N4BP2L2: variants seen among roughly 807,000 people sequenced by gnomAD.
N4BP2L2 encodes NEDD4-binding protein 2-like 2.
N4BP2L2 carries 50 observed loss-of-function variants against 56.2 expected under a neutral mutation model. That is an observed-to-expected ratio of 0.89 (90% CI 0.71 to 1.13). N4BP2L2 has a LOEUF of 1.13. Ranked by LOEUF, N4BP2L2 falls within the 50% of genes most tolerant of loss-of-function variation. N4BP2L2 has a pLI of 0.00. For missense variants in N4BP2L2, 689 were observed against 693.8 expected, an observed-to-expected ratio of 0.99 and a Z score of 0.08; for synonymous variants, 203 against 223.6, an observed-to-expected ratio of 0.91 and a Z score of 0.82.
chr13:32,464,430 A>C (rs1373347789), intron 6 of N4BP2L2, among the ~76,000 whole-genome samples: 1 of 152,196 alleles, frequency 6.6e-6, no homozygotes, highest in Admixed American at 6.5e-5. Flanking sequence ...ATTCCAACAG[A>C]GTTGTTGCAA....
intron 9 of N4BP2L2, among the ~76,000 whole-genome samples, chr13:32,434,270 T>G (rs1015500330): frequency 1.3e-5 from 2 of 148,512 alleles, no homozygotes; most frequent in Non-Finnish European, 3.0e-5. Flanking sequence ...TTTTTTTTTT[T>G]GTATTTTAGT....
At chr13:32,532,508 CCTA>C (rs2055118141) in intron 2 of N4BP2L2, among the ~76,000 whole-genome samples, 1 of 151,846 alleles carries the variant, frequency 6.6e-6, no homozygotes, top group Non-Finnish European at 1.5e-5. Flanking sequence ...AATATTTTGC[CCTA>C]CTAATATAAA....
intron 6 of N4BP2L2, among the ~76,000 whole-genome samples, chr13:32,485,286 T>G (rs1400285997): frequency 6.6e-6 from 1 of 152,188 alleles, no homozygotes; most frequent in Non-Finnish European, 1.5e-5. Flanking sequence ...GGAGGTAAAC[T>G]AGATTTTAAA....
In N4BP2L2 at chr13:32,491,851, C is replaced by T. The variant is rs149952055; in HGVS notation, c.365+26006G>A. Among the ~76,000 whole-genome samples the T allele has an allele frequency of 3.4e-4, 51 of 151,872 alleles. No homozygotes were observed. The East Asian group carries it at 7.9e-3, about 24-fold the overall frequency. ...TTCACCAAGTTGGCCAGGATGGTCT[C>T]GATCTCCTGACTTCCTGATCTGCCC... is the stretch of plus-strand genomic sequence containing the variant. On this transcript the variant is annotated intron_variant, in intron 6 of 9. Coordinates refer to the N4BP2L2 transcript ENST00000357505.
At chr13:32,471,818 T>C (rs1388764624) in intron 6 of N4BP2L2, among the ~76,000 whole-genome samples, 1 of 152,246 alleles carries the variant, frequency 6.6e-6, no homozygotes, top group East Asian at 1.9e-4. Context: ...CTACAGCCCC[T>C]TGAGTGTTCT....
intron 6 of N4BP2L2, among the ~76,000 whole-genome samples, chr13:32,451,242 T>C (rs960787488): frequency 6.6e-6 from 1 of 151,920 alleles, no homozygotes; most frequent in Non-Finnish European, 1.5e-5. Context: ...AAGACCAGCC[T>C]GGGCAACATA....
At chr13:32,514,247 G>A (rs1163714669) in exon 6 of N4BP2L2, 3 of 151,950 alleles carry the variant, frequency 2.0e-5, no homozygotes, top group Non-Finnish European at 4.4e-5. Context: ...TTAAAAAGCA[G>A]TATCAAAAGT....
chr13:32,467,983 C>G (rs775455823), intron 6 of N4BP2L2, among the ~76,000 whole-genome samples: 7 of 151,988 alleles, frequency 4.6e-5, no homozygotes, highest in Non-Finnish European at 8.8e-5. Context: ...GAGCAAGACT[C>G]TGTCTCAAAA....
chr13:32,443,401 G>C (rs370329437), exon 7 of N4BP2L2: 2 of 1,613,890 alleles, frequency 1.2e-6, no homozygotes, highest in African/African-American at 2.7e-5. Context: ...CTGTCTGTCA[G>C]AGCCCAGCTG....
chr13:32,531,190 A>C (rs2054679707), intron 2 of N4BP2L2, among the ~76,000 whole-genome samples: 1 of 152,196 alleles, frequency 6.6e-6, no homozygotes, highest in South Asian at 2.1e-4. Context: ...AGAGACACTG[A>C]ACCAAAGGCA....
intron 6 of N4BP2L2, among the ~76,000 whole-genome samples, chr13:32,500,547 A>T (rs1462485559): frequency 1.2e-5 from 1 of 81,130 alleles, no homozygotes; most frequent in East Asian, 3.3e-4. Flanking sequence ...CTGTCTCTAC[A>T]AAAAAAAAAA....
At chr13:32,458,067 TTTTGTTTTGTTTTTGAGACAGAGAC>T (rs1199536969) in intron 6 of N4BP2L2, among the ~76,000 whole-genome samples, 1 of 152,076 alleles carries the variant, frequency 6.6e-6, no homozygotes, top group Non-Finnish European at 1.5e-5. Context: ...TTTTGTTTTG[TTTTGTTTTGTTTTTGAGACAGAGAC>T]TTTGCTCTGT....
Position 32,458,086 on chromosome 13 carries a change from C to CA in N4BP2L2, c.366-13961dup, listed in dbSNP as rs1208802599. Among the ~76,000 whole-genome samples, 3 of 150,950 alleles carry CA rather than the reference C, an allele frequency of 2.0e-5. No individual in the cohort carries two copies. The East Asian group carries it at 5.8e-4, about 29-fold the overall frequency. ...GTTTTGTTTTGTTTTGTTTTTGAGACAGAGACTTTGCTCTGTTGCCCAGGC... is the reference window on the plus strand; with the variant it reads ...GTTTTGTTTTGTTTTGTTTTTGAGACAAGAGACTTTGCTCTGTTGCCCAGGC... On this transcript the variant is annotated intron_variant, in intron 6 of 9. Transcript: ENST00000357505.
At chr13:32,455,362 G>C (rs1156841361) in intron 6 of N4BP2L2, among the ~76,000 whole-genome samples, 2 of 152,200 alleles carry the variant, frequency 1.3e-5, no homozygotes, top group East Asian at 3.9e-4. Flanking sequence ...CTGCCTACCT[G>C]GGGCAGCCAC....
At chr13:32,491,637 T>A (rs207639) in intron 6 of N4BP2L2, among the ~76,000 whole-genome samples, 29,732 of 76,436 alleles carry the variant, frequency 0.39, 3,282 homozygotes, top group Non-Finnish European at 0.44. Flanking sequence ...ATATATATAT[T>A]TTTTTTTTTT....
At chr13:32,491,114 C>G (rs970803821) in intron 6 of N4BP2L2, among the ~76,000 whole-genome samples, 4 of 151,924 alleles carry the variant, frequency 2.6e-5, no homozygotes, top group Non-Finnish European at 5.9e-5. Flanking sequence ...GAAATAGAAC[C>G]CAGAGAAAAT....
At chr13:32,520,424 C>G (rs1355540354) in intron 5 of N4BP2L2, among the ~76,000 whole-genome samples, 2 of 150,228 alleles carry the variant, frequency 1.3e-5, no homozygotes, top group East Asian at 3.9e-4. Flanking sequence ...GGAGGCCGAG[C>G]AAGGTGGGCA....
Position 32,533,515 on chromosome 13 carries a change from A to ATTT in N4BP2L2, c.1259+2251_1259+2253dup, listed in dbSNP as rs766383227. Among the ~76,000 whole-genome samples the ATTT allele has an allele frequency of 5.8e-4, 71 of 122,248 alleles. 1 individual carries two copies. Among genetic ancestry groups the ATTT allele is most frequent in the African/African-American group, 1.3e-3 (38 of 29,976 alleles). The allele number at this position is 122,248 out of a possible 152,430, so 80.2% of individuals were successfully genotyped here. A position where few individuals can be genotyped will look rare whatever the true frequency, so the allele number is the denominator to read the frequency against. ...CACATACCAAACATAAGCATTACTAATTTTTTTTTTTTTTTTTTTTTTTTG... is the reference window on the plus strand; with the variant it reads ...CACATACCAAACATAAGCATTACTAATTTTTTTTTTTTTTTTTTTTTTTTTTTG... On this transcript the variant is annotated intron_variant, in intron 2 of 5. Transcript: ENST00000267068.
chr13:32,466,665 A>T (rs929286462), intron 6 of N4BP2L2, among the ~76,000 whole-genome samples: 2 of 152,210 alleles, frequency 1.3e-5, no homozygotes, highest in African/African-American at 4.8e-5. Context: ...AAGAAAAGGA[A>T]GGGATCAACA....
Sources: gnomAD v4.1 joint callset for allele counts (sites outside exome capture counted in the v4.1 genomes callset) on GRCh38, gnomAD v4.1.1 for gene constraint, MANE v1.5 for transcripts, NCBI Gene and HGNC (gene_info 2026-07-23, HGNC 2026-07-21) for gene names.